FOCAD: variants seen among roughly 807,000 people sequenced by gnomAD.
FOCAD encodes KIAA1797.
A neutral mutation model predicts 225.6 loss-of-function variants in FOCAD; 198 were observed. That is an observed-to-expected ratio of 0.88 (90% CI 0.78 to 0.99). The LOEUF (loss-of-function observed/expected upper bound fraction) is 0.99, where lower values mean the gene tolerates loss of function less well. Among genes scored for constraint, FOCAD ranks in the 50% least tolerant of loss-of-function variants. The pLI is 0.00. For synonymous variants in FOCAD, 897 were observed against 755.0 expected, an observed-to-expected ratio of 1.19 and a Z score of -3.08; for missense variants, 2,713 against 2,123.6, an observed-to-expected ratio of 1.28 and a Z score of -5.46.
intron 4 of FOCAD, among the ~76,000 whole-genome samples, chr9:20,722,075 C>T (rs1825832415): frequency 7.0e-6 from 1 of 142,126 alleles, no homozygotes; most frequent in African/African-American, 2.7e-5. Flanking sequence ...TGTTTCCTTT[C>T]TGACTGGGTC....
At chr9:20,984,702 A>G (rs986881103) in intron 39 of FOCAD, among the ~76,000 whole-genome samples, 2 of 152,192 alleles carry the variant, frequency 1.3e-5, no homozygotes, top group African/African-American at 4.8e-5. Flanking sequence ...ACAGATATGC[A>G]GGAGGAAAAG....
chr9:20,891,156 T>C (rs1831579521), intron 21 of FOCAD, among the ~76,000 whole-genome samples: 2 of 152,332 alleles, frequency 1.3e-5, no homozygotes, highest in South Asian at 4.1e-4. Flanking sequence ...TGTGCCCACA[T>C]AGCACCATGA....
intron 28 of FOCAD, among the ~76,000 whole-genome samples, chr9:20,933,982 A>G (rs1312052809): frequency 1.3e-5 from 2 of 151,524 alleles, no homozygotes; most frequent in African/African-American, 4.9e-5. Context: ...TTTTTTATAC[A>G]TTTGTTGGTC....
chr9:20,913,901 A>C (rs1030249482), intron 23 of FOCAD, among the ~76,000 whole-genome samples: 2 of 152,176 alleles, frequency 1.3e-5, no homozygotes, highest in African/African-American at 4.8e-5. Context: ...CTATCAATAC[A>C]TATTCCTAGT....
chr9:20,962,086 G>C (rs1314696013), intron 35 of FOCAD, among the ~76,000 whole-genome samples: 1 of 152,012 alleles, frequency 6.6e-6, no homozygotes, highest in Admixed American at 6.6e-5. Flanking sequence ...GAAAAAAATC[G>C]TACTCATCCT....
intron 11 of FOCAD, among the ~76,000 whole-genome samples, chr9:20,810,996 T>G (rs1823005275): frequency 6.6e-6 from 1 of 152,116 alleles, no homozygotes; most frequent in South Asian, 2.1e-4. Flanking sequence ...GATGGGCTAA[T>G]TTTTCTGATT....
In FOCAD at chr9:20,948,487, G is replaced by A. The variant is rs546951513; in HGVS notation, c.3798+94G>A. ...TTATAGGAGTTGCTGAGATATATAC[G>A]TTAATGGTAAAAGAATAGGCAATTT... On this transcript the variant is annotated intron_variant, in intron 31 of 43. Transcript: ENST00000338382. The A allele has an allele frequency of 2.1e-5, 28 of 1,341,368 alleles. No homozygotes were observed. In the South Asian group the frequency reaches 2.1e-4, roughly 10 times the overall value. The allele number at this position is 1,341,368 out of a possible 1,614,324, so 83.1% of individuals were successfully genotyped here. A position where few individuals can be genotyped will look rare whatever the true frequency, so the allele number is the denominator to read the frequency against.
chr9:20,874,447 A>G (rs1830056722), intron 18 of FOCAD: 1 of 412,594 alleles, frequency 2.4e-6, no homozygotes, highest in African/African-American at 2.1e-5. Flanking sequence ...GTATTAACAT[A>G]AGCTTTTTAT....
At chr9:20,939,393 A>G (rs757842895) in intron 28 of FOCAD, among the ~76,000 whole-genome samples, 36 of 152,062 alleles carry the variant, frequency 2.4e-4, no homozygotes, top group Admixed American at 4.6e-4. Context: ...TTACCACCCA[A>G]AGATGTTCAT....
At chr9:20,738,742 A>G (rs889036222) in intron 4 of FOCAD, among the ~76,000 whole-genome samples, 2 of 152,224 alleles carry the variant, frequency 1.3e-5, no homozygotes, top group African/African-American at 4.8e-5. Flanking sequence ...CAGTGCTGTG[A>G]AATAGAAATA....
At chr9:20,922,639 T>C (rs758304484) in intron 24 of FOCAD, among the ~76,000 whole-genome samples, 32 of 152,212 alleles carry the variant, frequency 2.1e-4, no homozygotes, top group Non-Finnish European at 4.1e-4. Flanking sequence ...ATATCTGTTA[T>C]AGTCCTGCCC....
chr9:20,939,696 ATTTT>A (rs1345513826), intron 28 of FOCAD, among the ~76,000 whole-genome samples: 1 of 142,392 alleles, frequency 7.0e-6, no homozygotes, highest in African/African-American at 2.6e-5. Context: ...ACCTTCTTTT[ATTTT>A]ATTTTTTTTT....
At chr9:20,932,915 T>C (rs538824090) in intron 27 of FOCAD, 99 bp from the exon 28 acceptor site, 191 of 828,280 alleles carry the variant, frequency 2.3e-4, no homozygotes, top group Non-Finnish European at 3.5e-4. Context: ...GAAATGCTGG[T>C]ATTTCCAGTA....
intron 24 of FOCAD, among the ~76,000 whole-genome samples, chr9:20,919,174 A>G (rs1479946204): frequency 6.6e-6 from 1 of 151,920 alleles, no homozygotes; most frequent in East Asian, 1.9e-4. Flanking sequence ...CCAATAACAG[A>G]CAAACAGAGA....
In FOCAD at chr9:20,781,846, G is replaced by A. The variant is rs1205434464; in HGVS notation, c.1114G>A (p.Glu372Lys). 6.2e-7 allele frequency: 1 copy of A among 1,614,042 alleles called. No individual in the cohort carries two copies. Among genetic ancestry groups the A allele is most frequent in the African/African-American group, 1.3e-5 (1 of 74,944 alleles). Residue 372 changes from glutamate (E) to lysine (K), a missense_variant, in exon 10 of 44, where the codon GAA (glutamate) becomes AAA (lysine). Physicochemically the swap from Glu to Lys is moderately conservative, Grantham distance 56. Coordinates refer to ENST00000338382, the MANE Select transcript of FOCAD (RefSeq NM_001375567.1). ...CTTGGAAGACTGTATATCTGTGGAT[G>A]AAGAAGGTCCCTCTAGGCAGCAGTT... ...TALEDCISVD[E>K]EGPSRQQLAL...
intron 19 of FOCAD, among the ~76,000 whole-genome samples, chr9:20,877,607 A>G (rs921020682): frequency 1.2e-4 from 18 of 152,156 alleles, no homozygotes; most frequent in African/African-American, 2.2e-4. Flanking sequence ...TATCACTATG[A>G]CTGGTGGTTG....
intron 37 of FOCAD, 132 bp from the exon 38 acceptor site, chr9:20,981,294 G>T (rs1840677100): frequency 2.8e-6 from 3 of 1,058,600 alleles, no homozygotes; most frequent in Non-Finnish European, 4.1e-6. Context: ...GTGGGAAAAT[G>T]AAGGGGGAAG....
At chr9:20,969,698 A>G (rs1003860596) in intron 35 of FOCAD, among the ~76,000 whole-genome samples, 4 of 236 alleles carry the variant, frequency 0.017, no homozygotes, top group Non-Finnish European at 0.087. Context: ...GTTATAAAAC[A>G]AAAATATAAA....
At chr9:20,740,377 G>A in intron 5 of FOCAD, 37 bp downstream of exon 5, 2 of 1,162,808 alleles carry the variant, frequency 1.7e-6, no homozygotes, top group Non-Finnish European at 2.5e-6. Context: ...AAACAAATAT[G>A]AATTTTTAAT....
Sources: allele counts gnomAD v4.1 joint callset (sites outside exome capture counted in the v4.1 genomes callset), GRCh38; gene constraint gnomAD v4.1.1; transcripts MANE v1.5; gene names NCBI Gene and HGNC (gene_info 2026-07-23, HGNC 2026-07-21).